The following PXT1 variants were observed in gnomAD, a reference collection of about 807,000 sequenced individuals.
The protein encoded by PXT1 is peroxisomal testis enriched protein 1.
A neutral mutation model predicts 11.0 loss-of-function variants in PXT1; 11 were observed. The observed-to-expected ratio is 1.00, with a 90% CI of 0.63 to 1.66. The LOEUF (loss-of-function observed/expected upper bound fraction) is 1.66. PXT1 is among the 40% of genes most tolerant of loss of function. The pLI, the probability that PXT1 is intolerant of heterozygous loss-of-function variation, is 0.00. For synonymous variants in PXT1, 43 were observed against 51.4 expected (o/e 0.84, Z 0.70); for missense variants, 141 against 155.5 (o/e 0.91, Z 0.49).
At chr6:36,406,637 C>T (rs188783054) in intron 3 of PXT1, among the ~76,000 whole-genome samples, 9 of 151,898 alleles carry the variant, frequency 5.9e-5, no homozygotes, top group African/African-American at 2.2e-4. Context: ...ATGGTGAAAC[C>T]CCGTCTCTAC....
Position 36,440,443 on chromosome 6 carries a change from G to A in PXT1, c.-129-1557C>T, listed in dbSNP as rs184795950. On this transcript the variant is annotated intron_variant, in intron 1 of 4. Coordinates refer to ENST00000454782, the MANE Select transcript of PXT1 (RefSeq NM_152990.4). ...AAATTAGCCGGGCACAGTGGCGGGCGCCTGTAGTCCCAGCTACTCGAGAGG... is the reference window on the plus strand; with the variant it reads ...AAATTAGCCGGGCACAGTGGCGGGCACCTGTAGTCCCAGCTACTCGAGAGG... Among the ~76,000 whole-genome samples, 2,093 of 151,902 alleles carry A rather than the reference G, an allele frequency of 0.014. 177 individuals carry two copies. The East Asian group carries it at 0.25, about 18-fold the overall frequency.
At chr6:36,433,963 AT>A (rs1220295110) in intron 2 of PXT1, among the ~76,000 whole-genome samples, 1 of 152,070 alleles carries the variant, frequency 6.6e-6, no homozygotes, top group Non-Finnish European at 1.5e-5. Flanking sequence ...TAAAGAAAAT[AT>A]GAGAAAATGT....
chr6:36,427,339 T>C (rs1774623373), intron 2 of PXT1, among the ~76,000 whole-genome samples: 2 of 152,148 alleles, frequency 1.3e-5, no homozygotes, highest in Non-Finnish European at 2.9e-5. Context: ...TTTAATTCTT[T>C]TGACTTGAAG....
Position 36,403,194 on chromosome 6 carries a change from T to G in PXT1, c.170-2610A>C, listed in dbSNP as rs184504085. 1.9e-4 allele frequency among the ~76,000 whole-genome samples: 29 copies of G among 152,294 alleles called. No individual in the cohort carries two copies. The East Asian group carries it at 1.9e-3, about 10-fold the overall frequency. On this transcript the variant is annotated intron_variant, in intron 3 of 4. Coordinates refer to ENST00000454782, the MANE Select transcript of PXT1 (RefSeq NM_152990.4). ...TTAAGCTCCACGGGTGGTTCCCATG[T>G]GCAGGCAAGTTTGAGGATTGATGGT... is the stretch of plus-strand genomic sequence containing the variant.
chr6:36,414,534 C>T (rs556845457), intron 3 of PXT1, among the ~76,000 whole-genome samples: 1 of 152,272 alleles, frequency 6.6e-6, no homozygotes, highest in African/African-American at 2.4e-5. Context: ...CTGTGTTAAA[C>T]CTGGCAGGGC....
At chr6:36,410,520 A>G (rs1582256783) in intron 3 of PXT1, among the ~76,000 whole-genome samples, 1 of 151,770 alleles carries the variant, frequency 6.6e-6, no homozygotes, top group Non-Finnish European at 1.5e-5. Flanking sequence ...AAGAGAGAGA[A>G]AGAGAAGGGA....
intron 3 of PXT1, among the ~76,000 whole-genome samples, chr6:36,417,767 CAAAA>C (rs369423691): frequency 1.7e-4 from 10 of 60,466 alleles, no homozygotes; most frequent in African/African-American, 5.5e-4. Context: ...GATCCTGTCT[CAAAA>C]AAAAAAAAAA....
At chr6:36,429,222 C>T (rs1368089897) in intron 2 of PXT1, among the ~76,000 whole-genome samples, 1 of 9,556 alleles carries the variant, frequency 1.0e-4, no homozygotes, top group African/African-American at 4.4e-4. Context: ...GCCATGTTTA[C>T]ACCACTGCAT....
chr6:36,423,369 G>T (rs930658452), intron 3 of PXT1, among the ~76,000 whole-genome samples: 1 of 152,274 alleles, frequency 6.6e-6, no homozygotes, highest in African/African-American at 2.4e-5. Context: ...CAACCAGTGA[G>T]AACCCCGCTC....
At chr6:36,427,982 C>T (rs1350850849) in intron 2 of PXT1, among the ~76,000 whole-genome samples, 1 of 152,078 alleles carries the variant, frequency 6.6e-6, no homozygotes, top group Non-Finnish European at 1.5e-5. Flanking sequence ...GGATAGGGAG[C>T]TGAGAAATGA....
In PXT1 at chr6:36,421,820, C is replaced by T. The variant is rs144481499; in HGVS notation, c.169+4094G>A. Reference sequence around the variant, plus strand: ...TTTTCAAAGCCCTTGGAATGTATTTCAACTGATTGGTCCAACCTCCTTACT... The same window carrying T: ...TTTTCAAAGCCCTTGGAATGTATTTTAACTGATTGGTCCAACCTCCTTACT... On this transcript the variant is annotated intron_variant, in intron 3 of 4. Transcript: ENST00000454782. Among the ~76,000 whole-genome samples the T allele has an allele frequency of 5.3e-3, 808 of 152,300 alleles. 5 individuals carry two copies. Among genetic ancestry groups the T allele is most frequent in the African/African-American group, 0.018 (745 of 41,550 alleles).
At chr6:36,413,349 G>A (rs769192170) in intron 3 of PXT1, among the ~76,000 whole-genome samples, 8 of 151,836 alleles carry the variant, frequency 5.3e-5, no homozygotes, top group African/African-American at 7.3e-5. Context: ...CCCAGGAGGC[G>A]GAGCTTGCAG....
At chr6:36,425,821 T>C (rs1774597576) in intron 3 of PXT1, 93 bp downstream of exon 3, 1 of 414,634 alleles carries the variant, frequency 2.4e-6, no homozygotes, top group African/African-American at 2.7e-5. Flanking sequence ...TATATATATA[T>C]ATATATATTT....
intron 3 of PXT1, among the ~76,000 whole-genome samples, chr6:36,415,422 C>T (rs958524960): frequency 2.6e-5 from 4 of 151,714 alleles, no homozygotes; most frequent in Non-Finnish European, 2.9e-5. Context: ...CCAGCCTAGG[C>T]GATGTAGTTA....
intron 4 of PXT1, among the ~76,000 whole-genome samples, chr6:36,395,551 G>A (rs79281846): frequency 0.037 from 5,053 of 136,240 alleles, 108 homozygotes; most frequent in African/African-American, 0.062. Flanking sequence ...TACCCAGGCT[G>A]GAGTGCAGTG....
At chr6:36,393,029 T>C (rs952025381) in intron 4 of PXT1, 3 of 152,274 alleles carry the variant, frequency 2.0e-5, no homozygotes, top group African/African-American at 4.8e-5. Context: ...TGGAGTGCAA[T>C]GACACGATCT....
rs551347454 is a variant in PXT1, at chr6:36,426,121, C to T, written c.-9-30G>A. 46 of 1,315,770 alleles carry T rather than the reference C, an allele frequency of 3.5e-5. No homozygotes were observed. The Admixed American group carries it at 6.2e-4, about 18-fold the overall frequency. 81.5% of individuals were successfully genotyped at this position (1,315,770 alleles called of 1,614,324 possible). A position where few individuals can be genotyped will look rare whatever the true frequency, so the allele number is the denominator to read the frequency against. Reference sequence around the variant, plus strand: ...TGAAAAACATATTTTCAGAGGCTTTCCCCCATTTCTCAGTAAATATTTGGT... The same window carrying T: ...TGAAAAACATATTTTCAGAGGCTTTTCCCCATTTCTCAGTAAATATTTGGT... On this transcript the variant is annotated intron_variant, in intron 2 of 4. Transcript: ENST00000454782.
chr6:36,434,352 T>A (rs2127418584), intron 2 of PXT1, among the ~76,000 whole-genome samples: 1 of 152,280 alleles, frequency 6.6e-6, no homozygotes, highest in African/African-American at 2.4e-5. Context: ...TGCATCTAAG[T>A]AATGGGTATA....
chr6:36,393,004 T>A (rs1774091639), intron 4 of PXT1: 1 of 151,102 alleles, frequency 6.6e-6, no homozygotes, highest in Non-Finnish European at 1.5e-5. Flanking sequence ...AGAATTTCGC[T>A]CTTGTTGACC....
Sources: gnomAD v4.1 joint callset for allele counts (sites outside exome capture counted in the v4.1 genomes callset) on GRCh38, gnomAD v4.1.1 for gene constraint, MANE v1.5 for transcripts, NCBI Gene and HGNC (gene_info 2026-07-23, HGNC 2026-07-21) for gene names.